Variants in DPF3 observed in about 807,000 individuals in gnomAD.
DPF3 encodes double PHD fingers 3, also known as zinc finger protein DPF3.
DPF3 carries 18 observed loss-of-function variants against 56.8 expected under a neutral mutation model. The ratio of observed to expected loss-of-function variants is 0.32; its 90% CI spans 0.22 to 0.47. DPF3 has a LOEUF of 0.47. Ranked by LOEUF, DPF3 falls within the 20% of genes least tolerant of loss-of-function variation. DPF3 has a pLI of 1.00. For synonymous variants in DPF3, 188 were observed against 180.2 expected, an observed-to-expected ratio of 1.04 and a Z score of -0.35; for missense variants, 403 against 488.8, an observed-to-expected ratio of 0.82 and a Z score of 1.65.
chr14:72,797,726 T>C (rs1748659652), intron 1 of DPF3, among the ~76,000 whole-genome samples: 1 of 152,186 alleles, frequency 6.6e-6, no homozygotes, highest in Admixed American at 6.5e-5. Context: ...GAAAAGAAAG[T>C]TTCACATGAA....
At chr14:72,626,301 A>T (rs1345775408) in intron 9 of DPF3, among the ~76,000 whole-genome samples, 1 of 151,912 alleles carries the variant, frequency 6.6e-6, no homozygotes, top group Non-Finnish European at 1.5e-5. Context: ...TCTCTACCCC[A>T]TTCTCCCAGA....
At chr14:72,700,820 G>A (rs1251849202) in intron 6 of DPF3, among the ~76,000 whole-genome samples, 4 of 152,134 alleles carry the variant, frequency 2.6e-5, no homozygotes, top group African/African-American at 9.7e-5. Context: ...TGCTCCCCGC[G>A]GTGAGACCCA....
At chr14:72,802,457 G>A (rs574581908) in intron 1 of DPF3, among the ~76,000 whole-genome samples, 2 of 152,132 alleles carry the variant, frequency 1.3e-5, no homozygotes, top group African/African-American at 4.8e-5. Context: ...GGCCTGCCAG[G>A]TCCCACATGC....
intron 1 of DPF3, among the ~76,000 whole-genome samples, chr14:72,781,569 T>C (rs1891973235): frequency 6.6e-6 from 1 of 152,182 alleles, no homozygotes; most frequent in African/African-American, 2.4e-5. Context: ...ACAGAATTTA[T>C]ATTGAACCTG....
At position 72,619,949 on chromosome 14, in the gene DPF3, G is replaced by T. The variant is rs775560351; in HGVS notation, c.1020C>A (p.Gly340=). ...QLLFCDDCDR[G]YHMYCLNPPV... is the part of the protein sequence containing the mutation. ...GGGGATTTAAACAGTACATGTGATA[G>T]CCTCGGTCACAGTCATCGCAGAAGA... Residue 340 remains glycine, a synonymous_variant, in exon 10 of 11, where the codon GGC becomes GGA. Coordinates refer to ENST00000556509, the MANE Select transcript of DPF3 (RefSeq NM_001280542.3). The T allele has an allele frequency of 5.9e-6, 9 of 1,535,460 alleles. No homozygotes were observed. In the South Asian group the frequency reaches 9.5e-5, roughly 16 times the overall value.
intron 5 of DPF3, 112 bp downstream of exon 5, chr14:72,723,521 T>C (rs1889268838): frequency 1.1e-5 from 10 of 928,292 alleles, no homozygotes; most frequent in Non-Finnish European, 1.6e-5. Flanking sequence ...TTGAGCGTTC[T>C]CCATGTAAGA....
chr14:72,859,267 G>A lies in DPF3; in HGVS notation c.32+34790C>T, dbSNP rs192408978. On this transcript the variant is annotated intron_variant, in intron 1 of 10. Coordinates refer to ENST00000556509, the MANE Select transcript of DPF3 (RefSeq NM_001280542.3). ...AGGTGATGGGTATAAGAGTGTTCAC[G>A]ATACTACATAGGTTTGAAATTTTCC... Among the ~76,000 whole-genome samples the A allele has an allele frequency of 7.5e-4, 114 of 152,166 alleles. 2 individuals are homozygous for A. The highest frequency in any genetic ancestry group is 6.3e-3 in the Admixed American group (96 of 15,276).
At chr14:72,777,622 G>T (rs1287601183) in intron 1 of DPF3, among the ~76,000 whole-genome samples, 1 of 152,150 alleles carries the variant, frequency 6.6e-6, no homozygotes, top group African/African-American at 2.4e-5. Flanking sequence ...GGGCCTAGTG[G>T]GAGGTGTTTA....
intron 1 of DPF3, among the ~76,000 whole-genome samples, chr14:72,870,563 T>C (rs940106679): frequency 1.2e-4 from 19 of 152,262 alleles, no homozygotes; most frequent in Admixed American, 1.3e-4. Context: ...GATAAATCTT[T>C]CTTGAAGACT....
chr14:72,714,006 A>G (rs1407618763), intron 6 of DPF3, among the ~76,000 whole-genome samples: 1 of 152,252 alleles, frequency 6.6e-6, no homozygotes, highest in Non-Finnish European at 1.5e-5. Context: ...AAAGGGAAAC[A>G]AATGAAAAGC....
chr14:72,889,639 T>C (rs1329396819), intron 1 of DPF3, among the ~76,000 whole-genome samples: 2 of 151,556 alleles, frequency 1.3e-5, no homozygotes, highest in African/African-American at 4.9e-5. Context: ...ACAGCAAGAG[T>C]GAGGTCTGGC....
intron 7 of DPF3, among the ~76,000 whole-genome samples, chr14:72,677,270 C>T (rs1057305527): frequency 6.6e-6 from 1 of 152,304 alleles, no homozygotes; most frequent in Non-Finnish European, 1.5e-5. Flanking sequence ...ATTTTTGCTT[C>T]AGTTTCTACT....
chr14:72,720,920 T>C (rs1889145207), intron 5 of DPF3, among the ~76,000 whole-genome samples: 1 of 152,174 alleles, frequency 6.6e-6, no homozygotes, highest in Non-Finnish European at 1.5e-5. Context: ...ATTTTAATAA[T>C]ATATTTTATT....
At chr14:72,769,419 C>T (rs532580643) in intron 2 of DPF3, among the ~76,000 whole-genome samples, 6 of 152,262 alleles carry the variant, frequency 3.9e-5, no homozygotes, top group Non-Finnish European at 5.9e-5. Context: ...CGGTGGCTTA[C>T]GCCTGTAATC....
chr14:72,867,784 G>A (rs1268783318), intron 1 of DPF3, among the ~76,000 whole-genome samples: 2 of 152,264 alleles, frequency 1.3e-5, no homozygotes, highest in African/African-American at 4.8e-5. Flanking sequence ...TGTTACCCAG[G>A]CTGGAGTGCA....
intron 1 of DPF3, among the ~76,000 whole-genome samples, chr14:72,874,868 C>G (rs1886048562): frequency 6.6e-6 from 1 of 152,196 alleles, no homozygotes; most frequent in Non-Finnish European, 1.5e-5. Flanking sequence ...CAATGCCCCA[C>G]TCTATTGGTA....
Position 72,892,407 on chromosome 14 carries a change from C to G in DPF3, c.32+1650G>C, listed in dbSNP as rs1886788747. 25 of 1,499,022 alleles carry G rather than the reference C, an allele frequency of 1.7e-5. No homozygotes were observed. The South Asian group carries it at 3.1e-4, about 19-fold the overall frequency. The allele number at this position is 1,499,022 out of a possible 1,614,324, so 92.9% of individuals were successfully genotyped here. A position where few individuals can be genotyped will look rare whatever the true frequency, so the allele number is the denominator to read the frequency against. On this transcript the variant is annotated intron_variant, in intron 1 of 10. Coordinates refer to ENST00000556509, the MANE Select transcript of DPF3 (RefSeq NM_001280542.3). ...GTGTATCCGAGCTTCCGAGCCAGAA[C>G]TGAAGCCAGGAGCTCCTATCTGATC...
At chr14:72,873,579 A>G (rs1335195068) in intron 1 of DPF3, among the ~76,000 whole-genome samples, 3 of 152,242 alleles carry the variant, frequency 2.0e-5, no homozygotes, top group Non-Finnish European at 4.4e-5. Context: ...CTGGGTATAT[A>G]CCCAAAGGGT....
intron 3 of DPF3, among the ~76,000 whole-genome samples, chr14:72,733,730 C>G (rs969029750): frequency 5.9e-5 from 9 of 151,982 alleles, no homozygotes; most frequent in Non-Finnish European, 1.0e-4. Flanking sequence ...ATGGAAAGAG[C>G]AGCACCACCG....
Sources: gnomAD v4.1 joint callset for allele counts (sites outside exome capture counted in the v4.1 genomes callset) on GRCh38, gnomAD v4.1.1 for gene constraint, MANE v1.5 for transcripts, NCBI Gene and HGNC (gene_info 2026-07-23, HGNC 2026-07-21) for gene names.